Variants in SLC35F3 observed in about 807,000 individuals in gnomAD.
The protein encoded by SLC35F3 is putative thiamine transporter SLC35F3.
SLC35F3 carries 25 observed loss-of-function variants against 49.9 expected under a neutral mutation model. The ratio of observed to expected loss-of-function variants is 0.50; its 90% CI spans 0.37 to 0.70. SLC35F3 has a LOEUF of 0.70. SLC35F3 is among the 30% of genes least tolerant of loss of function. SLC35F3 has a pLI of 0.00. For synonymous variants in SLC35F3, 275 were observed against 265.4 expected, an observed-to-expected ratio of 1.04 and a Z score of -0.35; for missense variants, 525 against 639.8, an observed-to-expected ratio of 0.82 and a Z score of 1.94.
intron 2 of SLC35F3, among the ~76,000 whole-genome samples, chr1:233,975,430 C>A (rs188257806): frequency 2.0e-5 from 3 of 152,230 alleles, no homozygotes; most frequent in African/African-American, 7.2e-5. Context: ...TACCTTTCTC[C>A]AAGAAGCTGA....
rs928168948 is a variant in SLC35F3 at position 234,083,854 on chromosome 1, T to C, written c.284-147563T>C. ...TTGGTTTTGGCTTTTTTTTTTTTTT[T>C]GAGATGGAGTTTCGCTCTTGTTGCC... On this transcript the variant is annotated intron_variant, in intron 2 of 7. Coordinates refer to ENST00000366618, the MANE Select transcript of SLC35F3 (RefSeq NM_173508.4). Among the ~76,000 whole-genome samples, 6 of 135,678 alleles carry C rather than the reference T, an allele frequency of 4.4e-5. No homozygotes were observed. The South Asian group carries it at 9.3e-4, about 21-fold the overall frequency. 89.0% of individuals were successfully genotyped at this position (135,678 alleles called of 152,430 possible).
intron 2 of SLC35F3, among the ~76,000 whole-genome samples, chr1:233,996,307 G>T (rs1479518881): frequency 6.6e-6 from 1 of 152,128 alleles, no homozygotes; most frequent in African/African-American, 2.4e-5. Flanking sequence ...TATATAGGAG[G>T]ATGTGTGTAG....
At chr1:234,219,291 G>T (rs1667167623) in intron 2 of SLC35F3, among the ~76,000 whole-genome samples, 1 of 152,150 alleles carries the variant, frequency 6.6e-6, no homozygotes, top group South Asian at 2.1e-4. Flanking sequence ...AAAGACCCAG[G>T]ATGCTGGCCC....
chr1:234,071,929 T>C (rs1664717362), intron 2 of SLC35F3, among the ~76,000 whole-genome samples: 5 of 152,198 alleles, frequency 3.3e-5, no homozygotes, highest in Admixed American at 3.3e-4. Flanking sequence ...CAGGGCACAA[T>C]TGGCACCATT....
chr1:234,272,425 T>C (rs760230630), intron 3 of SLC35F3: 2 of 152,260 alleles, frequency 1.3e-5, no homozygotes, highest in African/African-American at 2.4e-5. Context: ...TGTATACTTT[T>C]GGAGTAACAT....
At chr1:234,178,197 A>T (rs1257033795) in intron 2 of SLC35F3, among the ~76,000 whole-genome samples, 4 of 152,170 alleles carry the variant, frequency 2.6e-5, no homozygotes, top group Admixed American at 1.3e-4. Context: ...CAGTGGGCCC[A>T]TCACCCCACT....
chr1:234,179,734 T>A (rs200928831), intron 2 of SLC35F3, among the ~76,000 whole-genome samples: 20,905 of 152,096 alleles, frequency 0.14, 3,632 homozygotes, highest in East Asian at 0.88. Context: ...TTTTACCAAT[T>A]ATGTTAAAAA....
intron 3 of SLC35F3, among the ~76,000 whole-genome samples, chr1:234,272,925 G>C (rs1292577056): frequency 1.3e-5 from 2 of 152,162 alleles, no homozygotes; most frequent in Admixed American, 1.3e-4. Context: ...GAACTCTCAG[G>C]TGGACTTGGA....
At chr1:234,174,421 T>C in intron 2 of SLC35F3, among the ~76,000 whole-genome samples, 1 of 152,216 alleles carries the variant, frequency 6.6e-6, no homozygotes, top group East Asian at 1.9e-4. Context: ...AAATCATAGC[T>C]TCTATTTGTT....
chr1:234,258,187 G>A (rs1667850181), intron 3 of SLC35F3, among the ~76,000 whole-genome samples: 1 of 152,178 alleles, frequency 6.6e-6, no homozygotes, highest in Non-Finnish European at 1.5e-5. Context: ...TTAGGGAATG[G>A]GGAATGCTGA....
intron 2 of SLC35F3, among the ~76,000 whole-genome samples, chr1:234,000,591 T>G (rs1663536153): frequency 6.6e-6 from 1 of 152,230 alleles, no homozygotes; most frequent in Non-Finnish European, 1.5e-5. Flanking sequence ...ATTTCTGGAT[T>G]AGACTACAAA....
At chr1:234,316,791 A>G (rs1468925172) in intron 5 of SLC35F3, 64 bp downstream of exon 5, 5 of 1,556,314 alleles carry the variant, frequency 3.2e-6, no homozygotes, top group Non-Finnish European at 4.4e-6. Flanking sequence ...AGCCGGCTTT[A>G]GATCGCTTGT....
At chr1:234,223,960 A>T (rs1274548762) in intron 2 of SLC35F3, among the ~76,000 whole-genome samples, 1 of 152,190 alleles carries the variant, frequency 6.6e-6, no homozygotes, top group African/African-American at 2.4e-5. Flanking sequence ...AGAGAGATAG[A>T]AAACAAACTC....
intron 3 of SLC35F3, among the ~76,000 whole-genome samples, chr1:234,297,230 A>G (rs1283542277): frequency 1.3e-5 from 2 of 152,228 alleles, no homozygotes; most frequent in Non-Finnish European, 2.9e-5. Flanking sequence ...GCCACCATGG[A>G]AAACAGTATG....
At chr1:233,941,308 T>G (rs1037316310) in intron 2 of SLC35F3, among the ~76,000 whole-genome samples, 4 of 152,226 alleles carry the variant, frequency 2.6e-5, no homozygotes, top group African/African-American at 9.6e-5. Context: ...CATTATAACA[T>G]TTTACTGGAA....
chr1:234,156,734 GAATA>G (rs1666157935), intron 2 of SLC35F3, among the ~76,000 whole-genome samples: 2 of 151,964 alleles, frequency 1.3e-5, no homozygotes, highest in South Asian at 2.1e-4. Flanking sequence ...ATTAACTGAT[GAATA>G]AATAAACAAA....
intron 3 of SLC35F3, among the ~76,000 whole-genome samples, chr1:234,278,993 C>T (rs1024571068): frequency 2.6e-5 from 4 of 152,120 alleles, no homozygotes; most frequent in African/African-American, 4.8e-5. Context: ...GAAGGATGTG[C>T]GCTCCTGACA....
At chr1:234,263,942 C>T (rs1667943545) in intron 3 of SLC35F3, among the ~76,000 whole-genome samples, 1 of 152,132 alleles carries the variant, frequency 6.6e-6, no homozygotes, top group African/African-American at 2.4e-5. Context: ...AGCCCTGTCT[C>T]TACTAAAAAT....
At chr1:234,116,144 C>T (rs1293590608) in intron 2 of SLC35F3, among the ~76,000 whole-genome samples, 1 of 152,174 alleles carries the variant, frequency 6.6e-6, no homozygotes, top group African/African-American at 2.4e-5. Context: ...CTGCACTTTA[C>T]ATAAAGTCAA....
Sources: gnomAD v4.1 joint callset for allele counts (sites outside exome capture counted in the v4.1 genomes callset) on GRCh38, gnomAD v4.1.1 for gene constraint, MANE v1.5 for transcripts, NCBI Gene and HGNC (gene_info 2026-07-23, HGNC 2026-07-21) for gene names.